The following YPEL5 variants were observed in gnomAD, a reference collection of about 807,000 sequenced individuals.
YPEL5 encodes the protein yippee like 5.
In YPEL5, 1 loss-of-function variant was observed where a neutral mutation model predicts 10.5. The ratio of observed to expected loss-of-function variants is 0.10; its 90% CI spans 0.03 to 0.45. The LOEUF (loss-of-function observed/expected upper bound fraction) is 0.45. Ranked by LOEUF, YPEL5 falls within the 20% of genes least tolerant of loss-of-function variation. The pLI is 0.97. For synonymous variants in YPEL5, 61 were observed against 56.6 expected, an observed-to-expected ratio of 1.08 and a Z score of -0.35; for missense variants, 68 against 159.3, an observed-to-expected ratio of 0.43 and a Z score of 3.09.
intron 1 of YPEL5, chr2:30,147,526 G>C (rs1675498506): frequency 6.7e-6 from 1 of 148,502 alleles, no homozygotes; most frequent in East Asian, 2.0e-4. Flanking sequence ...TCGCATAGTC[G>C]GGGGCGCGCC....
At position 30,157,340 on chromosome 2, in the gene YPEL5, G is replaced by C. The variant is rs544960460; in HGVS notation, c.141+548G>C. On this transcript the variant is annotated intron_variant, in intron 2 of 2. Coordinates refer to ENST00000261353, the MANE Select transcript of YPEL5 (RefSeq NM_016061.3). The stretch of plus-strand genomic sequence containing the variant: ...TCTGTTGCCTCAGGAAATGTTCAGT[G>C]TAAGAATTTGGTAGCAACTTCAGCA... Among the ~76,000 whole-genome samples the C allele has an allele frequency of 9.2e-5, 14 of 151,980 alleles. No homozygotes were observed. In the South Asian group the frequency reaches 2.9e-3, roughly 32 times the overall value.
chr2:30,158,519 C>G (rs574705741), intron 2 of YPEL5, 100 bp from the exon 3 acceptor site: 8 of 1,121,004 alleles, frequency 7.1e-6, no homozygotes, highest in Admixed American at 2.0e-5. Flanking sequence ...AGTTCTTTCT[C>G]CTTTTCTGAA....
chr2:30,156,866 A>G (rs1364327764), intron 2 of YPEL5, 74 bp downstream of exon 2: 3 of 1,518,094 alleles, frequency 2.0e-6, no homozygotes, highest in African/African-American at 2.8e-5. Flanking sequence ...ATACCCCCTC[A>G]GAGCTTAGAG....
rs187441822 is a variant in YPEL5, at chr2:30,149,861, A to G, written c.-25+2799A>G. Reference sequence around the variant, plus strand: ...GGGGATCTGGTGAAGTGTGTATTCTATGGAAATGCCCTGAGGCGATGGTTT... The same window carrying G: ...GGGGATCTGGTGAAGTGTGTATTCTGTGGAAATGCCCTGAGGCGATGGTTT... On this transcript the variant is annotated intron_variant, in intron 1 of 2. Transcript: ENST00000261353. 2.1e-4 allele frequency among the ~76,000 whole-genome samples: 32 copies of G among 152,344 alleles called. No homozygotes were observed. The East Asian group carries it at 5.0e-3, about 24-fold the overall frequency.
In YPEL5 at chr2:30,159,340, G is replaced by A. The variant is rs1572764279; in HGVS notation, c.*497G>A. On this transcript the variant is annotated 3_prime_UTR_variant, in exon 3 of 3. Coordinates refer to ENST00000261353, the MANE Select transcript of YPEL5 (RefSeq NM_016061.3). ...GCTCAGTGTTAGCATGGCTTGTGCTGGCCGGTGTGCCATATTCTTGTTGGA... is the reference window on the plus strand; with the variant it reads ...GCTCAGTGTTAGCATGGCTTGTGCTAGCCGGTGTGCCATATTCTTGTTGGA... 6.4e-6 allele frequency: 1 copy of A among 155,552 alleles called. No homozygotes were observed. Among genetic ancestry groups the A allele is most frequent in the East Asian group, 1.9e-4 (1 of 5,252 alleles). The allele number at this position is 155,552 out of a possible 1,614,324, so 9.6% of individuals were successfully genotyped here. A position where few individuals can be genotyped will look rare whatever the true frequency, so the allele number is the denominator to read the frequency against.
Position 30,156,683 on chromosome 2 carries a change from G to C in YPEL5, c.32G>C (p.Gly11Ala). The C allele has an allele frequency of 6.2e-7, 1 of 1,614,036 alleles. No homozygotes were observed. Among genetic ancestry groups the C allele is most frequent in the Non-Finnish European group, 8.5e-7 (1 of 1,180,014 alleles). Reference sequence around the variant, plus strand: ...AGAATTTTCCTTGATCATATCGGTGGTACCCGTCTGTTTTCTTGTGCAAAC... The same window carrying C: ...AGAATTTTCCTTGATCATATCGGTGCTACCCGTCTGTTTTCTTGTGCAAAC... MGRIFLDHIG[G>A]TRLFSCANCD... Residue 11 changes from glycine (G) to alanine (A), a missense_variant, in exon 2 of 3, where the codon GGT becomes GCT. Physicochemically the swap from Gly to Ala is moderately conservative, Grantham distance 60 (BLOSUM62 0). This residue lies in a region of YPEL5 where 48 missense variants were observed against 138.4 expected (regional missense o/e 0.35). Transcript: ENST00000261353.
chr2:30,149,817 C>T (rs1288759751), intron 1 of YPEL5, among the ~76,000 whole-genome samples: 7 of 152,252 alleles, frequency 4.6e-5, no homozygotes, highest in South Asian at 2.1e-4. Flanking sequence ...GGAAAACCCA[C>T]TGTGGTCTGT....
At chr2:30,147,083 T>TGGACTCGGGGCC (rs1406882141) in intron 1 of YPEL5, 21 bp downstream of exon 1, 2 of 152,284 alleles carry the variant, frequency 1.3e-5, no homozygotes, top group African/African-American at 2.4e-5. Context: ...CGGGAGGGGC[T>TGGACTCGGGGCC]GGACTCGGGG....
intron 1 of YPEL5, among the ~76,000 whole-genome samples, chr2:30,154,335 T>C (rs1320854254): frequency 6.6e-6 from 1 of 152,228 alleles, no homozygotes; most frequent in East Asian, 1.9e-4. Context: ...GTTTTATTTA[T>C]ATCAGGAGTC....
Position 30,159,147 on chromosome 2 carries a change from G to A in YPEL5, c.*304G>A, listed in dbSNP as rs150155532. On this transcript the variant is annotated 3_prime_UTR_variant, in exon 3 of 3. Coordinates refer to ENST00000261353, the MANE Select transcript of YPEL5 (RefSeq NM_016061.3). ...GTGAGCTATGTAAGGAAAAAAATCT[G>A]GGCTGTTAGAGTGAAAAAGTGTGTT... 3.5e-6 allele frequency: 1 copy of A among 282,152 alleles called. No homozygotes were observed. Among genetic ancestry groups the A allele is most frequent in the African/African-American group, 2.2e-5 (1 of 45,872 alleles). The allele number at this position is 282,152 out of a possible 1,614,324, so 17.5% of individuals were successfully genotyped here.
Position 30,159,585 on chromosome 2 carries a change from T to C in YPEL5, c.*742T>C, listed in dbSNP as rs1483041645. The C allele has an allele frequency of 2.0e-5, 3 of 152,634 alleles. No individual in the cohort carries two copies. The highest frequency in any genetic ancestry group is 7.2e-5 in the African/African-American group (3 of 41,462). 9.5% of individuals were successfully genotyped at this position (152,634 alleles called of 1,614,324 possible). ...GTCCTGTGTTGCTTTTAAAAACACC[T>C]TATAAAAGAGGAGAGTATTTGATAA... On this transcript the variant is annotated 3_prime_UTR_variant, in exon 3 of 3. Coordinates refer to ENST00000261353, the MANE Select transcript of YPEL5 (RefSeq NM_016061.3).
chr2:30,155,720 T>G (rs1258363405), intron 1 of YPEL5: 1 of 152,252 alleles, frequency 6.6e-6, no homozygotes, highest in Non-Finnish European at 1.5e-5. Flanking sequence ...TTCAGACATA[T>G]GTTTCAAACT....
At chr2:30,157,398 C>T (rs564955394) in intron 2 of YPEL5, among the ~76,000 whole-genome samples, 5 of 152,280 alleles carry the variant, frequency 3.3e-5, no homozygotes, top group African/African-American at 1.2e-4. Flanking sequence ...AAGATACCCA[C>T]CTCCCTTTCT....
Position 30,151,653 on chromosome 2 carries a change from T to C in YPEL5, c.-25+4591T>C, listed in dbSNP as rs574492676. The stretch of plus-strand genomic sequence containing the variant: ...AGAAAATAGTACCAAAGAGGCCTTA[T>C]TTATAACATGATAAGGTAGGGAACA... On this transcript the variant is annotated intron_variant, in intron 1 of 2. Transcript: ENST00000261353. Among the ~76,000 whole-genome samples, 9 of 152,296 alleles carry C rather than the reference T, an allele frequency of 5.9e-5. No homozygotes were observed. The East Asian group carries it at 1.5e-3, about 26-fold the overall frequency.
intron 1 of YPEL5, among the ~76,000 whole-genome samples, chr2:30,149,036 G>C (rs1675654706): frequency 6.6e-6 from 1 of 152,168 alleles, no homozygotes; most frequent in Admixed American, 6.5e-5. Context: ...AGCCAGACAG[G>C]TAAATTACAC....
chr2:30,156,584 T>A, intron 1 of YPEL5, 44 bp from the exon 2 acceptor site: 1 of 1,583,354 alleles, frequency 6.3e-7, no homozygotes, highest in Non-Finnish European at 8.6e-7. Flanking sequence ...GGTGCTAACA[T>A]GATTATTATA....
At position 30,160,517 on chromosome 2, in the gene YPEL5, G is replaced by A. The variant is rs1451094813; in HGVS notation, c.*1674G>A. On this transcript the variant is annotated 3_prime_UTR_variant, in exon 3 of 3. Transcript: ENST00000261353. The stretch of plus-strand genomic sequence containing the variant: ...TATGTGCATTTGCTGTCACAATAAA[G>A]TATATTTTGTCTTGCATTGATGCAG... 2.6e-5 allele frequency: 4 copies of A among 152,154 alleles called. No individual in the cohort carries two copies. In the East Asian group the frequency reaches 5.8e-4, roughly 22 times the overall value. 9.4% of individuals were successfully genotyped at this position (152,154 alleles called of 1,614,324 possible). A position where few individuals can be genotyped will look rare whatever the true frequency, so the allele number is the denominator to read the frequency against.
Position 30,156,631 on chromosome 2 carries a change from T to C in YPEL5, c.-21T>C. The C allele has an allele frequency of 6.2e-7, 1 of 1,613,466 alleles. No homozygotes were observed. The highest frequency in any genetic ancestry group is 1.7e-5 in the Admixed American group (1 of 59,802). ...ATCCTTTTCTATTTGCTCCTAGGTT[T>C]TTAGAACTTCAGCCATAAAAATGGG... is the stretch of plus-strand genomic sequence containing the variant. On this transcript the variant is annotated 5_prime_UTR_variant, in exon 2 of 3. Transcript: ENST00000261353.
chr2:30,149,502 T>G (rs1675676425), intron 1 of YPEL5, among the ~76,000 whole-genome samples: 1 of 152,256 alleles, frequency 6.6e-6, no homozygotes, highest in Admixed American at 6.5e-5. Flanking sequence ...TAATAGCGTT[T>G]AGTCACAACT....
Sources: allele counts gnomAD v4.1 joint callset (sites outside exome capture counted in the v4.1 genomes callset), GRCh38; gene constraint gnomAD v4.1.1; regional missense constraint gnomAD v4.1.1; transcripts MANE v1.5; gene names NCBI Gene and HGNC (gene_info 2026-07-23, HGNC 2026-07-21).